Variants in DPP10 observed in about 807,000 individuals in gnomAD.
DPP10 encodes the protein inactive dipeptidyl peptidase 10.
In DPP10, 33 loss-of-function variants were observed where a neutral mutation model predicts 120.9. The observed-to-expected ratio is 0.27, with a 90% CI of 0.21 to 0.37. The LOEUF (loss-of-function observed/expected upper bound fraction) is 0.37. Among genes scored for constraint, DPP10 ranks in the 10% least tolerant of loss-of-function variants. The pLI is 1.00. For synonymous variants in DPP10, 337 were observed against 326.1 expected, an observed-to-expected ratio of 1.03 and a Z score of -0.36; for missense variants, 816 against 942.8, an observed-to-expected ratio of 0.87 and a Z score of 1.76.
chr2:115,718,215 A>G (rs905603848), intron 7 of DPP10, among the ~76,000 whole-genome samples: 1 of 152,074 alleles, frequency 6.6e-6, no homozygotes, highest in Non-Finnish European at 1.5e-5. Context: ...ACATCTATGT[A>G]CAGGTACACT....
intron 17 of DPP10, among the ~76,000 whole-genome samples, chr2:115,788,226 AAC>A (rs1185973800): frequency 6.6e-6 from 1 of 152,140 alleles, no homozygotes; most frequent in Non-Finnish European, 1.5e-5. Flanking sequence ...TAAAAATAAA[AAC>A]ACAACAGATC....
chr2:115,134,053 GTTA>G (rs1386862358), intron 1 of DPP10, among the ~76,000 whole-genome samples: 2 of 152,140 alleles, frequency 1.3e-5, no homozygotes, highest in South Asian at 2.1e-4. Context: ...AAATGAGGAT[GTTA>G]TTATCATTTG....
intron 5 of DPP10, among the ~76,000 whole-genome samples, chr2:115,537,334 G>T (rs1220084876): frequency 6.6e-6 from 1 of 152,052 alleles, no homozygotes; most frequent in East Asian, 1.9e-4. Flanking sequence ...GTGTTGACTG[G>T]CAAAGAATCC....
intron 1 of DPP10, among the ~76,000 whole-genome samples, chr2:114,497,393 A>ATG (rs1260667718): frequency 1.6e-5 from 2 of 127,214 alleles, no homozygotes; most frequent in African/African-American, 6.4e-5. Context: ...ATACATACAC[A>ATG]TACATATACA....
rs549784162 is a variant in DPP10, at chr2:115,491,502, T to G, written c.272-8008T>G. ...AAGGCTTACCAGAAGCTTGGAATGTTTATGTGTGTGGATAATTTTATGGTG... is the reference window on the plus strand; with the variant it reads ...AAGGCTTACCAGAAGCTTGGAATGTGTATGTGTGTGGATAATTTTATGGTG... On this transcript the variant is annotated intron_variant, in intron 3 of 25. Coordinates refer to ENST00000410059, the MANE Select transcript of DPP10 (RefSeq NM_020868.6). Among the ~76,000 whole-genome samples the G allele has an allele frequency of 1.3e-3, 192 of 152,126 alleles. 1 individual carries two copies. The highest frequency in any genetic ancestry group is 4.6e-3 in the African/African-American group (189 of 41,518).
intron 5 of DPP10, among the ~76,000 whole-genome samples, chr2:115,648,083 C>T (rs779320735): frequency 6.6e-6 from 1 of 152,092 alleles, no homozygotes; most frequent in Non-Finnish European, 1.5e-5. Flanking sequence ...TCCCTCACAT[C>T]TAGCTTACTA....
chr2:114,848,195 C>A (rs1270501273), intron 1 of DPP10, among the ~76,000 whole-genome samples: 1 of 152,160 alleles, frequency 6.6e-6, no homozygotes, highest in African/African-American at 2.4e-5. Context: ...AGCTTGTCAT[C>A]TACCTCACTG....
intron 1 of DPP10, among the ~76,000 whole-genome samples, chr2:115,073,158 G>A (rs1167941396): frequency 1.3e-5 from 2 of 152,176 alleles, no homozygotes; most frequent in Non-Finnish European, 2.9e-5. Context: ...CCATGTTAAA[G>A]AACATTTATT....
chr2:115,072,761 A>G (rs920810446), intron 1 of DPP10, among the ~76,000 whole-genome samples: 3 of 152,156 alleles, frequency 2.0e-5, no homozygotes, highest in East Asian at 1.9e-4. Context: ...ATTGAATGAA[A>G]TGATGTATAT....
chr2:115,431,346 G>A (rs563592566), intron 3 of DPP10, among the ~76,000 whole-genome samples: 4 of 152,238 alleles, frequency 2.6e-5, no homozygotes, highest in South Asian at 2.1e-4. Context: ...TGAAAGGACC[G>A]AGGGATAAAA....
intron 1 of DPP10, among the ~76,000 whole-genome samples, chr2:115,137,257 A>T (rs1439551817): frequency 6.6e-6 from 1 of 152,174 alleles, no homozygotes; most frequent in Non-Finnish European, 1.5e-5. Context: ...AATAAATAGA[A>T]CTTTAGAGAG....
chr2:115,310,926 C>G (rs1004218974), intron 2 of DPP10, among the ~76,000 whole-genome samples: 2 of 152,128 alleles, frequency 1.3e-5, no homozygotes, highest in African/African-American at 4.8e-5. Flanking sequence ...CCCAGTGATT[C>G]ACTTTCTCAG....
intron 1 of DPP10, among the ~76,000 whole-genome samples, chr2:115,018,135 A>G (rs1702800716): frequency 6.6e-6 from 1 of 152,208 alleles, no homozygotes; most frequent in Non-Finnish European, 1.5e-5. Flanking sequence ...CATTAGAGAA[A>G]TGCAAATGAA....
At chr2:114,559,891 C>CAAAAAAAA (rs60833358) in intron 1 of DPP10, among the ~76,000 whole-genome samples, 26 of 65,936 alleles carry the variant, frequency 3.9e-4, no homozygotes, top group East Asian at 4.9e-4. Flanking sequence ...AGAAAAAAAG[C>CAAAAAAAA]AAAAAAAAAA....
intron 3 of DPP10, among the ~76,000 whole-genome samples, chr2:115,381,280 C>T (rs147685197): frequency 6.6e-6 from 1 of 152,064 alleles, no homozygotes; most frequent in African/African-American, 2.4e-5. Context: ...CTAAGCTTCC[C>T]TTCTCACTTC....
intron 1 of DPP10, among the ~76,000 whole-genome samples, chr2:114,968,623 A>G (rs1699196805): frequency 6.6e-6 from 1 of 152,228 alleles, no homozygotes; most frequent in Admixed American, 6.5e-5. Context: ...CACATCCAGA[A>G]ATAATGAACA....
chr2:115,655,584 T>C (rs2088233276), intron 5 of DPP10, among the ~76,000 whole-genome samples: 1 of 151,634 alleles, frequency 6.6e-6, no homozygotes, highest in African/African-American at 2.4e-5. Flanking sequence ...ATTTGATTGG[T>C]TTGGATATAT....
chr2:115,013,467 G>A (rs758958920), intron 1 of DPP10, among the ~76,000 whole-genome samples: 4 of 151,902 alleles, frequency 2.6e-5, no homozygotes, highest in African/African-American at 4.8e-5. Flanking sequence ...TGATGGTTAT[G>A]TGTCTTGGGG....
chr2:115,362,852 A>G (rs1371588387), intron 3 of DPP10, among the ~76,000 whole-genome samples: 1 of 152,300 alleles, frequency 6.6e-6, no homozygotes, highest in African/African-American at 2.4e-5. Flanking sequence ...AGAAAACTCT[A>G]GTGTTTGACA....
Sources: gnomAD v4.1 joint callset for allele counts (sites outside exome capture counted in the v4.1 genomes callset) on GRCh38, gnomAD v4.1.1 for gene constraint, MANE v1.5 for transcripts, NCBI Gene and HGNC (gene_info 2026-07-23, HGNC 2026-07-21) for gene names.